Variants in PPFIA2 observed in about 807,000 individuals in gnomAD.
PPFIA2 encodes the protein PPFI scaffold protein A2, also known as liprin-alpha-2.
PPFIA2 carries 46 observed loss-of-function variants against 175.5 expected under a neutral mutation model. That is an observed-to-expected ratio of 0.26 (90% CI 0.21 to 0.34). The LOEUF is 0.34. Among genes scored for constraint, PPFIA2 ranks in the 10% least tolerant of loss-of-function variants. PPFIA2 has a pLI of 1.00. For missense variants in PPFIA2, 1,179 were observed against 1,506.1 expected (o/e 0.78, Z 3.60); for synonymous variants, 568 against 511.4 (o/e 1.11, Z -1.49).
chr12:81,633,865 G>C (rs143301032), intron 4 of PPFIA2, among the ~76,000 whole-genome samples: 6 of 152,008 alleles, frequency 3.9e-5, no homozygotes, highest in African/African-American at 1.4e-4. Flanking sequence ...GGGTAATAGA[G>C]AGGTTGCTTA....
chr12:81,510,378 T>G (rs550806051), intron 4 of PPFIA2, among the ~76,000 whole-genome samples: 62 of 152,208 alleles, frequency 4.1e-4, no homozygotes, highest in Non-Finnish European at 7.4e-4. Context: ...AAACTCAAAC[T>G]CGTTTTACAT....
intron 23 of PPFIA2, 120 bp downstream of exon 23, chr12:81,299,180 CT>C (rs2047213846): frequency 1.5e-6 from 2 of 1,330,260 alleles, no homozygotes; most frequent in Admixed American, 5.1e-5. Context: ...CAAATAGTCC[CT>C]TATGAGCAAT....
chr12:81,710,645 C>G (rs115874581), intron 3 of PPFIA2, among the ~76,000 whole-genome samples: 2,247 of 151,952 alleles, frequency 0.015, 29 homozygotes, highest in South Asian at 0.042. Flanking sequence ...GCACCCAAGT[C>G]TAAACACAAA....
intron 4 of PPFIA2, among the ~76,000 whole-genome samples, chr12:81,458,314 TAAC>T (rs2053928829): frequency 6.6e-6 from 1 of 150,664 alleles, no homozygotes; most frequent in Non-Finnish European, 1.5e-5. Flanking sequence ...ATTTATTTGT[TAAC>T]AAGATGAAGC....
At chr12:81,755,296 T>C (rs1271379734) in intron 2 of PPFIA2, among the ~76,000 whole-genome samples, 1 of 152,186 alleles carries the variant, frequency 6.6e-6, no homozygotes, top group East Asian at 1.9e-4. Context: ...CTCTAGCTAA[T>C]GTTTCAAAGA....
intron 4 of PPFIA2, among the ~76,000 whole-genome samples, chr12:81,586,161 C>T (rs2075280241): frequency 6.6e-6 from 1 of 151,940 alleles, no homozygotes; most frequent in South Asian, 2.1e-4. Context: ...TTGTAGAAAA[C>T]AACCAATAAA....
intron 5 of PPFIA2, among the ~76,000 whole-genome samples, chr12:81,455,444 A>G (rs1307348061): frequency 6.6e-6 from 1 of 152,202 alleles, no homozygotes; most frequent in East Asian, 1.9e-4. Context: ...TCATATTTTC[A>G]AAGTAACTAT....
At chr12:81,640,018 T>C (rs929475864) in intron 4 of PPFIA2, among the ~76,000 whole-genome samples, 2 of 152,196 alleles carry the variant, frequency 1.3e-5, no homozygotes, top group Non-Finnish European at 2.9e-5. Context: ...TACTCACTTA[T>C]GAGGAAGGAG....
intron 4 of PPFIA2, among the ~76,000 whole-genome samples, chr12:81,584,638 G>A (rs978712717): frequency 6.6e-6 from 1 of 150,618 alleles, no homozygotes; most frequent in Admixed American, 6.7e-5. Flanking sequence ...ATATGGCATA[G>A]CTTACTGCTC....
chr12:81,379,198 CATT>C (rs1011741886), intron 9 of PPFIA2, among the ~76,000 whole-genome samples: 1 of 152,008 alleles, frequency 6.6e-6, no homozygotes, highest in African/African-American at 2.4e-5. Flanking sequence ...TTCCCTCTGT[CATT>C]TGAAAAATTC....
intron 4 of PPFIA2, among the ~76,000 whole-genome samples, chr12:81,643,084 G>T (rs1192940198): frequency 6.8e-6 from 1 of 147,294 alleles, no homozygotes; most frequent in Non-Finnish European, 1.5e-5. Flanking sequence ...TATGTTATAT[G>T]TGTATATATA....
At chr12:81,724,957 TAG>T (rs2079859492) in intron 3 of PPFIA2, among the ~76,000 whole-genome samples, 1 of 151,016 alleles carries the variant, frequency 6.6e-6, no homozygotes, top group Admixed American at 6.6e-5. Context: ...CAGTGTATAA[TAG>T]GTCCTTTTTC....
At position 81,422,484 on chromosome 12, in the gene PPFIA2, T is replaced by TGG. The variant is rs532070108; in HGVS notation, c.646-16583_646-16582dup. ...GAAAAACCTTGGAAAATTCACAGCA[T>TGG]GGGAAGGTAAAATGTGAAAAAATGT... On this transcript the variant is annotated intron_variant, in intron 7 of 32. Coordinates refer to ENST00000549396, the MANE Select transcript of PPFIA2 (RefSeq NM_003625.5). Among the ~76,000 whole-genome samples, 92 of 152,088 alleles carry TGG rather than the reference T, an allele frequency of 6.0e-4. 1 individual carries two copies. In the South Asian group the frequency reaches 0.019, roughly 31 times the overall value.
chr12:81,508,486 A>G (rs2061420081), intron 4 of PPFIA2, among the ~76,000 whole-genome samples: 2 of 127,982 alleles, frequency 1.6e-5, no homozygotes, highest in Admixed American at 9.7e-5. Flanking sequence ...ATGCCATTGC[A>G]CTCCAGCCTG....
At chr12:81,710,293 T>A (rs1436418450) in intron 3 of PPFIA2, among the ~76,000 whole-genome samples, 1 of 116,774 alleles carries the variant, frequency 8.6e-6, no homozygotes, top group East Asian at 2.8e-4. Flanking sequence ...CTATGAAAAT[T>A]GCACACTCTC....
At chr12:81,690,802 G>A (rs2075143961) in intron 3 of PPFIA2, among the ~76,000 whole-genome samples, 1 of 152,092 alleles carries the variant, frequency 6.6e-6, no homozygotes, top group African/African-American at 2.4e-5. Context: ...GACTTCAGAG[G>A]AGAATCCATT....
chr12:81,660,190 T>G (rs190060936), intron 4 of PPFIA2, among the ~76,000 whole-genome samples: 3 of 152,144 alleles, frequency 2.0e-5, no homozygotes, highest in African/African-American at 7.2e-5. Context: ...GGAACAAAGA[T>G]GGATGGAGAA....
At chr12:81,322,281 G>T (rs1014725279) in intron 22 of PPFIA2, among the ~76,000 whole-genome samples, 2 of 152,134 alleles carry the variant, frequency 1.3e-5, no homozygotes, top group African/African-American at 4.8e-5. Flanking sequence ...AGGTCTGGTT[G>T]TTCTAAACGT....
intron 4 of PPFIA2, among the ~76,000 whole-genome samples, chr12:81,587,100 C>G (rs1234258442): frequency 2.0e-5 from 3 of 151,774 alleles, no homozygotes; most frequent in Non-Finnish European, 4.4e-5. Context: ...AACTGTAGAA[C>G]CTGTTTTTGA....
Sources: allele counts gnomAD v4.1 joint callset (sites outside exome capture counted in the v4.1 genomes callset), GRCh38; gene constraint gnomAD v4.1.1; transcripts MANE v1.5; gene names NCBI Gene and HGNC (gene_info 2026-07-23, HGNC 2026-07-21).